NR1D2: variants seen among roughly 807,000 people sequenced by gnomAD.
The protein encoded by NR1D2 is nuclear receptor subfamily 1 group D member 2.
In NR1D2, 25 loss-of-function variants were observed where a neutral mutation model predicts 52.2. The observed-to-expected ratio is 0.48, with a 90% CI of 0.35 to 0.67. The LOEUF (loss-of-function observed/expected upper bound fraction) is 0.67, where lower values mean the gene tolerates loss of function less well. NR1D2 is among the 30% of genes least tolerant of loss of function. The probability of loss-of-function intolerance (pLI) is 0.01; values close to 1 mark genes in which losing one functional copy is unlikely to be tolerated. For synonymous variants in NR1D2, 259 were observed against 230.1 expected (o/e 1.13, Z -1.14); for missense variants, 681 against 707.2 (o/e 0.96, Z 0.42).
intron 4 of NR1D2, among the ~76,000 whole-genome samples, chr3:23,961,469 C>A (rs537140180): frequency 6.8e-6 from 1 of 146,920 alleles, no homozygotes; most frequent in Admixed American, 7.0e-5. Context: ...CATCTCGACG[C>A]ACTGCAACCT....
chr3:23,960,654 T>A (rs1012322891), intron 4 of NR1D2, among the ~76,000 whole-genome samples: 8 of 152,188 alleles, frequency 5.3e-5, no homozygotes, highest in Non-Finnish European at 1.2e-4. Flanking sequence ...AGTAACAGAT[T>A]TCAGCAATTG....
In NR1D2 at chr3:23,962,418, G is replaced by A. The variant is rs1706277768; in HGVS notation, c.959G>A (p.Gly320Glu). ...PCSESQQHLN[G>E]QFKGRNIMHY... ...AGTGAGAGCCAGCAGCATCTCAATG[G>A]ACAGTTCAAAGGGAGGAATATAATG... Residue 320 changes from glycine to glutamate, a missense_variant, in exon 5 of 8, where the codon GGA becomes GAA. By Grantham distance (98) the Gly-to-Glu change is moderately conservative. This residue lies in a region of NR1D2 where 475 missense variants were observed against 454.5 expected (regional missense o/e 1.05). Coordinates refer to ENST00000312521, the MANE Select transcript of NR1D2 (RefSeq NM_005126.5). 6.2e-7 allele frequency: 1 copy of A among 1,614,144 alleles called. No homozygotes were observed. The highest frequency in any genetic ancestry group is 2.2e-5 in the East Asian group (1 of 44,882).
intron 6 of NR1D2, among the ~76,000 whole-genome samples, chr3:23,965,444 G>A (rs569585326): frequency 2.4e-4 from 35 of 144,052 alleles, no homozygotes; most frequent in African/African-American, 9.0e-4. Flanking sequence ...ACAGGGTTTT[G>A]CCTTGTGGCC....
chr3:23,954,299 G>C (rs970342692), intron 1 of NR1D2, among the ~76,000 whole-genome samples: 1 of 152,218 alleles, frequency 6.6e-6, no homozygotes, highest in African/African-American at 2.4e-5. Context: ...GCATGAGCCA[G>C]TGTGCCGGGC....
chr3:23,970,348 G>C (rs956859635), intron 7 of NR1D2, among the ~76,000 whole-genome samples: 1 of 152,140 alleles, frequency 6.6e-6, no homozygotes, highest in South Asian at 2.1e-4. Context: ...TGCCAGGAAC[G>C]AACCTTGTTA....
intron 1 of NR1D2, chr3:23,946,132 C>A: frequency 1.0e-6 from 1 of 985,118 alleles, no homozygotes; most frequent in Non-Finnish European, 1.2e-6. Flanking sequence ...CCTCCTCCCC[C>A]GCGGGGTTGC....
chr3:23,954,628 C>T lies in NR1D2; in HGVS notation c.108C>T (p.Ser36=), dbSNP rs371828572. 4 of 1,613,924 alleles carry T rather than the reference C, an allele frequency of 2.5e-6. No individual in the cohort carries two copies. Among genetic ancestry groups the T allele is most frequent in the African/African-American group, 2.7e-5 (2 of 74,932 alleles). The change falls in exon 2 of 8, where the codon TCC becomes TCT. Residue 36 remains serine (S), a synonymous_variant. Transcript: ENST00000312521. ...GTTCTGAGAATAGTTTCCAGTCCTC[C>T]TCCTCTTCTGTTCCATCTTCTCCAA... ...SEGSENSFQS[S]SSSVPSSPNS...
intron 7 of NR1D2, among the ~76,000 whole-genome samples, chr3:23,971,864 C>G (rs575194307): frequency 6.6e-6 from 1 of 152,032 alleles, no homozygotes; most frequent in Non-Finnish European, 1.5e-5. Context: ...TTTGATCAGT[C>G]AATTCCCAAA....
At chr3:23,953,788 G>C (rs1240940281) in intron 1 of NR1D2, among the ~76,000 whole-genome samples, 1 of 152,212 alleles carries the variant, frequency 6.6e-6, no homozygotes, top group Non-Finnish European at 1.5e-5. Context: ...GGAGGCAAAT[G>C]ATAAATTCAT....
intron 5 of NR1D2, 23 bp downstream of exon 5, chr3:23,962,628 C>G (rs770965901): frequency 2.2e-5 from 34 of 1,556,704 alleles, no homozygotes; most frequent in Middle Eastern, 4.2e-4. Flanking sequence ...CGATTTTTTG[C>G]TTACATTGTA....
intron 1 of NR1D2, among the ~76,000 whole-genome samples, chr3:23,947,334 A>C (rs1378474595): frequency 6.6e-6 from 1 of 152,198 alleles, no homozygotes; most frequent in East Asian, 1.9e-4. Context: ...ACATTATAAA[A>C]ATTCCTCCGG....
rs1201208716 is a variant in NR1D2, at chr3:23,962,119, C to T, written c.660C>T (p.Ala220=). 6.2e-7 allele frequency: 1 copy of T among 1,614,158 alleles called. No homozygotes were observed. Among genetic ancestry groups the T allele is most frequent in the Admixed American group, 1.7e-5 (1 of 60,024 alleles). The change falls in exon 5 of 8, where the codon GCC becomes GCT. Residue 220 remains alanine (A), a synonymous_variant. Coordinates refer to ENST00000312521, the MANE Select transcript of NR1D2 (RefSeq NM_005126.5). Reference sequence around the variant, plus strand: ...TAGTAGAACATCATGAACAGACAGCCTTGCCAGCCCAGGAACAGCTGCGAC... The same window carrying T: ...TAGTAGAACATCATGAACAGACAGCTTTGCCAGCCCAGGAACAGCTGCGAC... ...DTLVEHHEQT[A]LPAQEQLRPK...
chr3:23,973,453 CAAAG>C (rs1477006037), intron 7 of NR1D2, among the ~76,000 whole-genome samples: 3 of 152,010 alleles, frequency 2.0e-5, no homozygotes, highest in Non-Finnish European at 4.4e-5. Flanking sequence ...CATATCTAAA[CAAAG>C]AAAAGGTACA....
intron 2 of NR1D2, among the ~76,000 whole-genome samples, chr3:23,955,039 C>G (rs577323445): frequency 1.3e-5 from 2 of 152,314 alleles, no homozygotes; most frequent in South Asian, 2.1e-4. Context: ...CTGCCTGACC[C>G]TGGTCCCTCT....
chr3:23,952,955 T>C (rs1705982392), intron 1 of NR1D2, among the ~76,000 whole-genome samples: 1 of 150,774 alleles, frequency 6.6e-6, no homozygotes, highest in African/African-American at 2.4e-5. Context: ...TTTCTCTGCC[T>C]GTTTTTTTTT....
intron 5 of NR1D2, chr3:23,963,459 T>C (rs1406852571): frequency 1.2e-6 from 1 of 845,194 alleles, no homozygotes; most frequent in South Asian, 2.7e-5. Flanking sequence ...TGCTTTTTTG[T>C]TTTTTTTTTT....
At chr3:23,969,281 C>G (rs916754282) in intron 7 of NR1D2, among the ~76,000 whole-genome samples, 5 of 151,938 alleles carry the variant, frequency 3.3e-5, no homozygotes, top group Non-Finnish European at 5.9e-5. Flanking sequence ...GAGCGAGACT[C>G]CGTGTTAAAA....
intron 1 of NR1D2, among the ~76,000 whole-genome samples, chr3:23,952,444 TCA>T (rs1201925157): frequency 1.3e-5 from 2 of 152,046 alleles, no homozygotes; most frequent in Admixed American, 6.6e-5. Context: ...GCACGGTGGC[TCA>T]CACCTGTAAT....
At chr3:23,976,014 T>C (rs538378003) in intron 7 of NR1D2, among the ~76,000 whole-genome samples, 1 of 152,342 alleles carries the variant, frequency 6.6e-6, no homozygotes, top group Admixed American at 6.5e-5. Context: ...ACCTCCCATG[T>C]GGGGGACCAT....
Sources: gnomAD v4.1 joint callset for allele counts (sites outside exome capture counted in the v4.1 genomes callset) on GRCh38, gnomAD v4.1.1 for gene constraint, gnomAD v4.1.1 regional missense constraint, MANE v1.5 for transcripts, NCBI Gene and HGNC (gene_info 2026-07-23, HGNC 2026-07-21) for gene names.